The following PTPRZ1 variants were observed in gnomAD, a reference collection of about 807,000 sequenced individuals.
PTPRZ1 encodes the protein protein tyrosine phosphatase receptor type Z1, also known as receptor-type tyrosine-protein phosphatase zeta.
A neutral mutation model predicts 214.1 loss-of-function variants in PTPRZ1; 82 were observed. That is an observed-to-expected ratio of 0.38 (90% CI 0.32 to 0.46). The LOEUF is 0.46. Ranked by LOEUF, PTPRZ1 falls within the 20% of genes least tolerant of loss-of-function variation. The pLI is 1.00. For synonymous variants in PTPRZ1, 945 were observed against 987.9 expected (o/e 0.96, Z 0.81); for missense variants, 2,603 against 2,748.7 (o/e 0.95, Z 1.19).
Position 122,039,472 on chromosome 7 carries a change from T to C in PTPRZ1, c.5521T>C (p.Trp1841Arg). Residue 1841 changes from tryptophan to arginine, a missense_variant, in exon 20 of 30, where the codon TGG (tryptophan) becomes CGG (arginine). Coordinates refer to ENST00000393386, the MANE Select transcript of PTPRZ1 (RefSeq NM_002851.3). ...TTTGCAGAGAAAATGTGATCAGTAC[T>C]GGCCTGCCGATGGGAGTGAGGAGTA... is the stretch of plus-strand genomic sequence containing the variant. ...EKGRRKCDQY[W>R]PADGSEEYGN... 6.2e-7 allele frequency: 1 copy of C among 1,614,080 alleles called. No individual in the cohort carries two copies. Among genetic ancestry groups the C allele is most frequent in the South Asian group, 1.1e-5 (1 of 91,072 alleles).
intron 25 of PTPRZ1, 114 bp from the exon 26 acceptor site, chr7:122,053,796 C>A: frequency 2.4e-6 from 3 of 1,276,564 alleles, no homozygotes; most frequent in Admixed American, 2.0e-5. Flanking sequence ...CATATAGACA[C>A]AATCTGCAAT....
chr7:121,967,218 G>A (rs1379855894), intron 2 of PTPRZ1, among the ~76,000 whole-genome samples: 1 of 152,048 alleles, frequency 6.6e-6, no homozygotes, highest in African/African-American at 2.4e-5. Flanking sequence ...TGAAAATTTA[G>A]TTTATTTTAA....
Position 122,010,667 on chromosome 7 carries a change from G to A in PTPRZ1, c.1621G>A (p.Gly541Ser). ...VEGTSASLND[G>S]SKTVLRSPHM... ...AGGTACTTCAGCCTCTTTAAATGAT[G>A]GCTCTAAAACTGTTCTTAGATCTCC... The change falls in exon 12 of 30, where the codon GGC (glycine) becomes AGC (serine). Residue 541 changes from glycine (G) to serine (S), a missense_variant. Physicochemically the swap from Gly to Ser is moderately conservative, Grantham distance 56. Transcript: ENST00000393386. 2 of 1,613,436 alleles carry A rather than the reference G, an allele frequency of 1.2e-6. No individual in the cohort carries two copies. Among genetic ancestry groups the A allele is most frequent in the Non-Finnish European group, 1.7e-6 (2 of 1,179,486 alleles).
chr7:121,898,250 A>G (rs1794859957), intron 1 of PTPRZ1, among the ~76,000 whole-genome samples: 2 of 124,906 alleles, frequency 1.6e-5, no homozygotes, highest in Non-Finnish European at 3.2e-5. Flanking sequence ...TAATTGTAGA[A>G]TAATGTGATG....
chr7:121,948,680 A>G (rs1323374315), intron 2 of PTPRZ1, among the ~76,000 whole-genome samples: 1 of 152,094 alleles, frequency 6.6e-6, no homozygotes, highest in Non-Finnish European at 1.5e-5. Context: ...GCAGAGTGTG[A>G]TAAAATGGAG....
Position 121,967,951 on chromosome 7 carries a change from G to T in PTPRZ1, c.125G>T (p.Gly42Val). 6.4e-7 allele frequency: 1 copy of T among 1,555,206 alleles called. No individual in the cohort carries two copies. Among genetic ancestry groups the T allele is most frequent in the South Asian group, 1.2e-5 (1 of 84,964 alleles). ...LVEEIGWSYT[G>V]ALNQKNWGKK... ...ATTTCTTACTCCTTCTTTTCCCTAGGAGCACTGAATCAAAAAAATTGGGGA... is the reference window on the plus strand; with the variant it reads ...ATTTCTTACTCCTTCTTTTCCCTAGTAGCACTGAATCAAAAAAATTGGGGA... The change falls in exon 3 of 30, where the codon GGA (glycine) becomes GTA (valine). Residue 42 changes from glycine (G) to valine (V), a missense_variant and splice_region_variant. By Grantham distance (109) the Gly-to-Val change is moderately radical (BLOSUM62 -3). This residue lies in a region of PTPRZ1 where 141 missense variants were observed against 143.7 expected (regional missense o/e 0.98). Transcript: ENST00000393386.
chr7:121,930,661 C>T (rs941911645), intron 2 of PTPRZ1, among the ~76,000 whole-genome samples: 36 of 152,068 alleles, frequency 2.4e-4, no homozygotes, highest in African/African-American at 8.7e-4. Flanking sequence ...CCCTGATTAC[C>T]TACAAATTTT....
chr7:121,905,314 T>A (rs1018049737), intron 1 of PTPRZ1, among the ~76,000 whole-genome samples: 2 of 152,032 alleles, frequency 1.3e-5, no homozygotes, highest in African/African-American at 4.8e-5. Context: ...TACTGTCAAC[T>A]TTTACCCCAG....
intron 19 of PTPRZ1, 140 bp from the exon 20 acceptor site, chr7:122,039,314 C>A: frequency 1.1e-6 from 1 of 934,206 alleles, no homozygotes; most frequent in Non-Finnish European, 1.5e-6. Context: ...TAATTTCAGT[C>A]ACTTATAAAG....
In PTPRZ1 at chr7:122,011,396, A is replaced by G. The variant is rs776091551; in HGVS notation, c.2350A>G (p.Thr784Ala). The G allele has an allele frequency of 6.2e-7, 1 of 1,613,448 alleles. No homozygotes were observed. Among genetic ancestry groups the G allele is most frequent in the Non-Finnish European group, 8.5e-7 (1 of 1,179,780 alleles). The change falls in exon 12 of 30, where the codon ACC becomes GCC. Residue 784 changes from threonine to alanine, a missense_variant. Thr to Ala is a moderately conservative substitution (Grantham distance 58). This residue lies in a region of PTPRZ1 where 1,913 missense variants were observed against 1,914.3 expected (regional missense o/e 1.00). Coordinates refer to ENST00000393386, the MANE Select transcript of PTPRZ1 (RefSeq NM_002851.3). ...GCTTGACAATCAGATCCTCAACACTACCCCTGCTGCTTCAAGTAGTGATTC... is the reference window on the plus strand; with the variant it reads ...GCTTGACAATCAGATCCTCAACACTGCCCCTGCTGCTTCAAGTAGTGATTC... ...LLLDNQILNTTPAASSSDSAL... is the reference protein window; with the variant it reads ...LLLDNQILNTAPAASSSDSAL...
chr7:121,934,038 C>G (rs138903133), intron 2 of PTPRZ1, among the ~76,000 whole-genome samples: 3 of 152,062 alleles, frequency 2.0e-5, no homozygotes, highest in Admixed American at 6.5e-5. Flanking sequence ...AGATGAAAGG[C>G]TGGAATGATA....
chr7:121,931,865 T>C (rs1285963508), intron 2 of PTPRZ1, among the ~76,000 whole-genome samples: 1 of 152,146 alleles, frequency 6.6e-6, no homozygotes, highest in African/African-American at 2.4e-5. Flanking sequence ...CTATTGGCTT[T>C]AGCTTCTTTC....
intron 1 of PTPRZ1, 106 bp from the exon 2 acceptor site, chr7:121,928,050 G>A (rs922560421): frequency 1.4e-4 from 113 of 781,868 alleles, no homozygotes; most frequent in Non-Finnish European, 2.3e-4. Flanking sequence ...AGATGACATG[G>A]AAAGGAGTAA....
intron 10 of PTPRZ1, among the ~76,000 whole-genome samples, chr7:122,000,019 A>T (rs143641739): frequency 6.6e-6 from 1 of 152,138 alleles, no homozygotes; most frequent in Admixed American, 6.5e-5. Context: ...GGCATTTTGT[A>T]TAGTAATGAT....
rs1251052381 is a variant in PTPRZ1 at position 121,998,130 on chromosome 7, C to G, written c.1240+124C>G. 4.3e-6 allele frequency: 5 copies of G among 1,161,742 alleles called. No homozygotes were observed. The Admixed American group carries it at 1.5e-4, about 34-fold the overall frequency. 72.0% of individuals were successfully genotyped at this position (1,161,742 alleles called of 1,614,324 possible). A position where few individuals can be genotyped will look rare whatever the true frequency, so the allele number is the denominator to read the frequency against. ...AAGGCAAAGTGATTTTCTCTTAAGT[C>G]TGGATTGCCGGGTAATTTTTTGGGG... On this transcript the variant is annotated intron_variant, in intron 10 of 29. Transcript: ENST00000393386.
chr7:121,985,040 T>C (rs542661032), intron 8 of PTPRZ1, among the ~76,000 whole-genome samples: 8 of 152,294 alleles, frequency 5.3e-5, no homozygotes, highest in South Asian at 2.1e-4. Flanking sequence ...AATCATCTGC[T>C]TTTGAAGATT....
intron 1 of PTPRZ1, among the ~76,000 whole-genome samples, chr7:121,901,039 T>A (rs1413140116): frequency 6.6e-6 from 1 of 152,160 alleles, no homozygotes; most frequent in Non-Finnish European, 1.5e-5. Flanking sequence ...TGGATTAGTG[T>A]GTCTGAATTC....
chr7:121,916,877 A>G (rs1795444026), intron 1 of PTPRZ1, among the ~76,000 whole-genome samples: 1 of 152,224 alleles, frequency 6.6e-6, no homozygotes, highest in Non-Finnish European at 1.5e-5. Flanking sequence ...GGGGATTCAC[A>G]GAATGGGCAT....
rs76529645 is a variant in PTPRZ1 at position 121,978,318 on chromosome 7, C to G, written c.619+1467C>G. On this transcript the variant is annotated intron_variant, in intron 6 of 29. Transcript: ENST00000393386. ...AGTCCTTTACCCCCTCTCTCTCTGT[C>G]TCTCTACCTCACTTGTATTAGTCCA... is the stretch of plus-strand genomic sequence containing the variant. Among the ~76,000 whole-genome samples the G allele has an allele frequency of 3.9e-3, 589 of 152,260 alleles. 18 individuals are homozygous for G. The East Asian group carries it at 0.073, about 19-fold the overall frequency.
Sources: gnomAD v4.1 joint callset for allele counts (sites outside exome capture counted in the v4.1 genomes callset) on GRCh38, gnomAD v4.1.1 for gene constraint, gnomAD v4.1.1 regional missense constraint, MANE v1.5 for transcripts, NCBI Gene and HGNC (gene_info 2026-07-23, HGNC 2026-07-21) for gene names.